HTR7: variants seen among roughly 807,000 people sequenced by gnomAD.
HTR7 encodes 5-hydroxytryptamine receptor 7.
A neutral mutation model predicts 34.0 loss-of-function variants in HTR7; 16 were observed. The ratio of observed to expected loss-of-function variants is 0.47; its 90% CI spans 0.32 to 0.71. The LOEUF (loss-of-function observed/expected upper bound fraction) is 0.71, where lower values mean the gene tolerates loss of function less well. HTR7 is among the 30% of genes least tolerant of loss of function. The pLI, the probability that HTR7 is intolerant of heterozygous loss-of-function variation, is 0.04. For synonymous variants in HTR7, 265 were observed against 260.2 expected (o/e 1.02, Z -0.18); for missense variants, 504 against 625.5 (o/e 0.81, Z 2.07).
chr10:90,848,909 C>T (rs1362459859), intron 1 of HTR7, among the ~76,000 whole-genome samples: 1 of 152,170 alleles, frequency 6.6e-6, no homozygotes, highest in Non-Finnish European at 1.5e-5. Flanking sequence ...AAATCAGAAA[C>T]TCTTGGGGTA....
chr10:90,857,531 G>A lies in HTR7; in HGVS notation c.141C>T (p.His47=). 1.2e-6 allele frequency: 2 copies of A among 1,607,568 alleles called. No homozygotes were observed. The highest frequency in any genetic ancestry group is 8.5e-7 in the Non-Finnish European group (1 of 1,177,570). The stretch of plus-strand genomic sequence containing the variant: ...GGCTGGCTGTCACCTCGCTCAGCAG[G>A]TGCGGCGCCCAGGAGCCCGCGACCG... ...ADPVAGSWAP[H]LLSEVTASPA... is the part of the protein sequence containing the mutation. The change falls in exon 1 of 4, where the codon CAC becomes CAT. Residue 47 remains histidine (H), a synonymous_variant. Transcript: ENST00000336152. This position sits in a 1 kb window ranked among gnomAD's most constrained non-coding sequence, Gnocchi z 6.5.
chr10:90,805,365 A>G (rs1350464507), intron 1 of HTR7, among the ~76,000 whole-genome samples: 1 of 152,234 alleles, frequency 6.6e-6, no homozygotes, highest in Non-Finnish European at 1.5e-5. Context: ...AAATTAAATC[A>G]GTCTTTGAAT....
intron 1 of HTR7, among the ~76,000 whole-genome samples, chr10:90,766,441 T>G (rs550674933): frequency 6.6e-6 from 1 of 152,346 alleles, no homozygotes; most frequent in South Asian, 2.1e-4. Flanking sequence ...GAGTCTCTTG[T>G]AGGCAGCATG....
intron 1 of HTR7, among the ~76,000 whole-genome samples, chr10:90,787,840 A>G (rs1177173122): frequency 1.3e-5 from 2 of 151,938 alleles, no homozygotes; most frequent in Admixed American, 1.3e-4. Context: ...CAGAATGCGC[A>G]TGTTAAACCA....
chr10:90,821,133 T>G (rs984648163), intron 1 of HTR7, among the ~76,000 whole-genome samples: 6 of 77,406 alleles, frequency 7.8e-5, no homozygotes, highest in South Asian at 3.9e-4. Flanking sequence ...CACACACACA[T>G]GCACACACAC....
intron 1 of HTR7, among the ~76,000 whole-genome samples, chr10:90,772,258 C>T (rs1023517615): frequency 2.6e-5 from 4 of 151,936 alleles, no homozygotes; most frequent in African/African-American, 7.3e-5. Flanking sequence ...ATCCTTTATC[C>T]TCATATCCTT....
Position 90,840,068 on chromosome 10 carries a change from A to G in HTR7, c.539+17065T>C, listed in dbSNP as rs573836468. Among the ~76,000 whole-genome samples the G allele has an allele frequency of 9.3e-5, 14 of 151,224 alleles. No homozygotes were observed. In the South Asian group the frequency reaches 2.7e-3, roughly 29 times the overall value. On this transcript the variant is annotated intron_variant, in intron 1 of 3. Transcript: ENST00000336152. The stretch of plus-strand genomic sequence containing the variant: ...CAGTAACAGTTTGCTTATTAAATAA[A>G]TCTCACCACCACCATCTTCTCTAAC...
rs1334879597 is a variant in HTR7, at chr10:90,806,096, A to G, written c.539+51037T>C. ...AAGAAACTAAGATGCGTTTTGGTAA[A>G]GGTTATAAATAACATGAGGATGTGG... On this transcript the variant is annotated intron_variant, in intron 1 of 3. Coordinates refer to ENST00000336152, the MANE Select transcript of HTR7 (RefSeq NM_019859.4). Among the ~76,000 whole-genome samples the G allele has an allele frequency of 3.3e-5, 5 of 152,354 alleles. No individual in the cohort carries two copies. The East Asian group carries it at 9.6e-4, about 29-fold the overall frequency.
chr10:90,831,237 G>T (rs537591087), intron 1 of HTR7, among the ~76,000 whole-genome samples: 1 of 152,212 alleles, frequency 6.6e-6, no homozygotes, highest in South Asian at 2.1e-4. Flanking sequence ...CGCCGTGAGT[G>T]TTACAGTTCT....
At chr10:90,833,145 G>T (rs1432905306) in intron 1 of HTR7, among the ~76,000 whole-genome samples, 1 of 152,182 alleles carries the variant, frequency 6.6e-6, no homozygotes, top group Non-Finnish European at 1.5e-5. Context: ...TGCCAAGCCT[G>T]AAACTCCTAG....
chr10:90,744,030 T>C, intron 2 of HTR7: 2 of 447,592 alleles, frequency 4.5e-6, no homozygotes, highest in South Asian at 3.6e-5. Flanking sequence ...AGAAAGAAAC[T>C]ATTATGTAGG....
intron 1 of HTR7, among the ~76,000 whole-genome samples, chr10:90,796,300 C>A (rs1845536909): frequency 6.6e-6 from 1 of 152,198 alleles, no homozygotes; most frequent in Non-Finnish European, 1.5e-5. Flanking sequence ...TATCAAGGAA[C>A]AGAAGTCCCA....
Position 90,825,235 on chromosome 10 carries a change from A to G in HTR7, c.539+31898T>C, listed in dbSNP as rs551710654. ...CCACAACCACCAAGGCAGTACCTCT[A>G]TGAGTCTGCAGGCTTGTACCTCTAT... is the stretch of plus-strand genomic sequence containing the variant. On this transcript the variant is annotated intron_variant, in intron 1 of 3. Coordinates refer to ENST00000336152, the MANE Select transcript of HTR7 (RefSeq NM_019859.4). 2.1e-3 allele frequency among the ~76,000 whole-genome samples: 322 copies of G among 152,142 alleles called. 1 individual carries two copies. Among genetic ancestry groups the G allele is most frequent in the Middle Eastern group, 0.01 (3 of 294 alleles).
chr10:90,749,093 C>G lies in HTR7; in HGVS notation c.1041G>C (p.Ser347=), dbSNP rs768792786. The stretch of plus-strand genomic sequence containing the variant: ...TGCCACAGATGAAGGGTCTGGCTGT[C>G]GAGAGGAGGAAAAATGGCAGCCAGC... The part of the protein sequence containing the change: ...TVCWLPFFLL[S]TARPFICGTS... Residue 347 remains serine (S), a synonymous_variant, in exon 2 of 4, where the codon TCG becomes TCC. Coordinates refer to ENST00000336152, the MANE Select transcript of HTR7 (RefSeq NM_019859.4). The surrounding 1 kb of genome is among the most constrained non-coding windows in gnomAD (Gnocchi z 4.2). The G allele has an allele frequency of 6.2e-7, 1 of 1,613,900 alleles. No individual in the cohort carries two copies. Among genetic ancestry groups the G allele is most frequent in the African/African-American group, 1.3e-5 (1 of 74,904 alleles).
chr10:90,771,182 G>A (rs2119753588), intron 1 of HTR7, among the ~76,000 whole-genome samples: 1 of 152,302 alleles, frequency 6.6e-6, no homozygotes, highest in Non-Finnish European at 1.5e-5. Flanking sequence ...TCTGCTAGGA[G>A]CTGAACACTC....
intron 1 of HTR7, among the ~76,000 whole-genome samples, chr10:90,810,225 T>C (rs551603716): frequency 2.2e-4 from 33 of 152,266 alleles, no homozygotes; most frequent in Admixed American, 8.5e-4. Context: ...TCCCTGACTA[T>C]TCCTGGGCTA....
intron 1 of HTR7, among the ~76,000 whole-genome samples, chr10:90,856,157 T>G (rs1418262923): frequency 2.0e-5 from 3 of 152,218 alleles, no homozygotes; most frequent in Admixed American, 2.0e-4. Context: ...ACCATTTCTC[T>G]GTATCATTAA....
At chr10:90,841,575 T>G (rs1468080485) in intron 1 of HTR7, among the ~76,000 whole-genome samples, 8 of 152,200 alleles carry the variant, frequency 5.3e-5, no homozygotes, top group Non-Finnish European at 1.2e-4. Flanking sequence ...GGGTTTTAGA[T>G]GAGACTATAA....
Position 90,798,725 on chromosome 10 carries a change from A to G in HTR7, c.540-49131T>C, listed in dbSNP as rs116744343. 1.6e-3 allele frequency among the ~76,000 whole-genome samples: 243 copies of G among 152,346 alleles called. 2 individuals are homozygous for G. Among genetic ancestry groups the G allele is most frequent in the African/African-American group, 5.6e-3 (231 of 41,584 alleles). On this transcript the variant is annotated intron_variant, in intron 1 of 3. Transcript: ENST00000336152. ...AGACTGAAACTACCACTGCAAAATTATAACTGAGAAAGTGACAGAGATCTG... is the reference window on the plus strand; with the variant it reads ...AGACTGAAACTACCACTGCAAAATTGTAACTGAGAAAGTGACAGAGATCTG...
Sources: allele counts gnomAD v4.1 joint callset (sites outside exome capture counted in the v4.1 genomes callset), GRCh38; gene constraint gnomAD v4.1.1; non-coding constraint Gnocchi (gnomAD v3.1); transcripts MANE v1.5; gene names NCBI Gene and HGNC (gene_info 2026-07-23, HGNC 2026-07-21).